PEX5L: variants seen among roughly 807,000 people sequenced by gnomAD.
The protein encoded by PEX5L is PEX5-related protein.
A neutral mutation model predicts 84.0 loss-of-function variants in PEX5L; 30 were observed. The observed-to-expected ratio is 0.36, with a 90% CI of 0.27 to 0.48. The LOEUF (loss-of-function observed/expected upper bound fraction) is 0.48. Among genes scored for constraint, PEX5L ranks in the 20% least tolerant of loss-of-function variants. The pLI, the probability that PEX5L is intolerant of heterozygous loss-of-function variation, is 0.99. For synonymous variants in PEX5L, 270 were observed against 283.1 expected, an observed-to-expected ratio of 0.95 and a Z score of 0.46; for missense variants, 533 against 754.6, an observed-to-expected ratio of 0.71 and a Z score of 3.44.
chr3:179,934,312 T>C (rs1419464103), intron 2 of PEX5L, among the ~76,000 whole-genome samples: 1 of 152,224 alleles, frequency 6.6e-6, no homozygotes, highest in Non-Finnish European at 1.5e-5. Context: ...AGATTATGTG[T>C]ACTGAACCAG....
chr3:180,021,092 C>T (rs1790382205), intron 1 of PEX5L, among the ~76,000 whole-genome samples: 1 of 151,996 alleles, frequency 6.6e-6, no homozygotes, highest in African/African-American at 2.4e-5. Context: ...CTAACCCAGC[C>T]CTGGAGGTTT....
At chr3:179,824,242 G>A (rs1729541440) in intron 8 of PEX5L, among the ~76,000 whole-genome samples, 3 of 152,170 alleles carry the variant, frequency 2.0e-5, no homozygotes, top group African/African-American at 7.2e-5. Flanking sequence ...AGATCCTGGG[G>A]TTGTGCTGTA....
At position 179,940,632 on chromosome 3, in the gene PEX5L, A is replaced by G. The variant is rs78019189; in HGVS notation, c.93+30962T>C. ...ATACTGGACATAGAATACTCTATAC[A>G]GCATTAATTTACCTCTAAAGGAACA... On this transcript the variant is annotated intron_variant, in intron 2 of 14. Transcript: ENST00000467460. Among the ~76,000 whole-genome samples the G allele has an allele frequency of 4.0e-3, 616 of 152,342 alleles. 6 individuals carry two copies. Among genetic ancestry groups the G allele is most frequent in the East Asian group, 0.017 (88 of 5,180 alleles).
At chr3:179,939,574 CA>C (rs1775500060) in intron 2 of PEX5L, among the ~76,000 whole-genome samples, 1 of 152,194 alleles carries the variant, frequency 6.6e-6, no homozygotes. Flanking sequence ...ACTACAGATA[CA>C]TAGACTTCTG....
chr3:179,879,701 A>G (rs1239464679), intron 5 of PEX5L, among the ~76,000 whole-genome samples: 2 of 152,158 alleles, frequency 1.3e-5, no homozygotes, highest in African/African-American at 2.4e-5. Flanking sequence ...TCTATAACTC[A>G]ATATTTGTGG....
At chr3:179,947,570 T>C (rs1378979818) in intron 2 of PEX5L, among the ~76,000 whole-genome samples, 1 of 152,074 alleles carries the variant, frequency 6.6e-6, no homozygotes, top group African/African-American at 2.4e-5. Context: ...TATTCTACTA[T>C]AGTACCTTAA....
At chr3:179,893,785 T>A (rs181032029) in intron 3 of PEX5L, among the ~76,000 whole-genome samples, 2 of 152,298 alleles carry the variant, frequency 1.3e-5, no homozygotes, top group Admixed American at 1.3e-4. Context: ...AAATATCTCA[T>A]ATTTGTAATG....
intron 8 of PEX5L, among the ~76,000 whole-genome samples, chr3:179,840,161 T>TGTG (rs1553850431): frequency 5.7e-4 from 70 of 123,758 alleles, no homozygotes; most frequent in African/African-American, 2.2e-3. Context: ...AAGTTGTTTT[T>TGTG]TGTGTGTGTG....
chr3:179,854,400 A>G (rs2108489580), intron 8 of PEX5L, among the ~76,000 whole-genome samples: 1 of 152,244 alleles, frequency 6.6e-6, no homozygotes, highest in Admixed American at 6.5e-5. Context: ...TATTAATATA[A>G]GTAAAAATGG....
chr3:180,012,748 T>TGAA (rs1442066587), intron 1 of PEX5L, among the ~76,000 whole-genome samples: 2 of 152,140 alleles, frequency 1.3e-5, no homozygotes, highest in African/African-American at 4.8e-5. Flanking sequence ...AGCATACTTT[T>TGAA]GAAGAATAAG....
In PEX5L at chr3:179,808,553, T is replaced by G. The variant is rs1173625882; in HGVS notation, c.1353-116A>C. 6 of 727,882 alleles carry G rather than the reference T, an allele frequency of 8.2e-6. No individual in the cohort carries two copies. In the East Asian group the frequency reaches 1.1e-4, roughly 14 times the overall value. The allele number at this position is 727,882 out of a possible 1,614,324, so 45.1% of individuals were successfully genotyped here. A position where few individuals can be genotyped will look rare whatever the true frequency, so the allele number is the denominator to read the frequency against. ...TCTCTTCGTTACAGACTGGAAAATT[T>G]TGCTTAAAATACCTTAACTCAATGA... On this transcript the variant is annotated intron_variant, in intron 12 of 14. Coordinates refer to ENST00000467460, the MANE Select transcript of PEX5L (RefSeq NM_016559.3).
intron 8 of PEX5L, among the ~76,000 whole-genome samples, chr3:179,822,076 T>C (rs1036286067): frequency 6.6e-6 from 1 of 152,240 alleles, no homozygotes; most frequent in Non-Finnish European, 1.5e-5. Context: ...ATTTTTTAAA[T>C]AGCTTTTCAA....
intron 1 of PEX5L, among the ~76,000 whole-genome samples, chr3:179,992,357 TACTTAACGTCACACA>T (rs1449474162): frequency 1.3e-5 from 2 of 152,236 alleles, no homozygotes; most frequent in Non-Finnish European, 2.9e-5. Context: ...TTGAATGATT[TACTTAACGTCACACA>T]ACTTATTAAT....
chr3:179,958,877 A>G (rs1463713992), intron 2 of PEX5L, among the ~76,000 whole-genome samples: 1 of 152,134 alleles, frequency 6.6e-6, no homozygotes, highest in Non-Finnish European at 1.5e-5. Context: ...TAGGAGCCAC[A>G]GTGTGTACAG....
intron 2 of PEX5L, among the ~76,000 whole-genome samples, chr3:179,942,520 C>A (rs1033129090): frequency 6.6e-6 from 1 of 152,214 alleles, no homozygotes; most frequent in Admixed American, 6.5e-5. Context: ...GGTAGGCACT[C>A]GGAGGCGCGG....
At position 179,795,653 on chromosome 3, in the gene PEX5L, TA is replaced by T. The variant is rs1716634488; in HGVS notation, c.*6174del. 6.6e-6 allele frequency: 1 copy of T among 152,156 alleles called. No individual in the cohort carries two copies. The highest frequency in any genetic ancestry group is 1.5e-5 in the Non-Finnish European group (1 of 68,022). 9.4% of individuals were successfully genotyped at this position (152,156 alleles called of 1,614,324 possible). A position where few individuals can be genotyped will look rare whatever the true frequency, so the allele number is the denominator to read the frequency against. On this transcript the variant is annotated 3_prime_UTR_variant, in exon 15 of 15. Transcript: ENST00000467460. ...GTAACGCAATGTAAACATTTAAACT[TA>T]AATTTTTTTCTTGTTATCTATTTCA...
At chr3:179,872,927 A>C (rs1560478567) in intron 7 of PEX5L, among the ~76,000 whole-genome samples, 2 of 152,252 alleles carry the variant, frequency 1.3e-5, no homozygotes, top group African/African-American at 4.8e-5. Context: ...CTACATTTTC[A>C]TGCTACATTT....
chr3:179,829,943 A>ATTTTTTTTTT (rs11352022), intron 8 of PEX5L, among the ~76,000 whole-genome samples: 329 of 83,636 alleles, frequency 3.9e-3, no homozygotes, highest in African/African-American at 6.4e-3. Context: ...GGCCTGGCTA[A>ATTTTTTTTTT]TTTTTTTTTT....
chr3:180,009,311 C>T (rs563449447), intron 1 of PEX5L, among the ~76,000 whole-genome samples: 29 of 152,266 alleles, frequency 1.9e-4, no homozygotes, highest in African/African-American at 6.3e-4. Context: ...TCTTGTTACA[C>T]GTCCTCATAA....
Sources: allele counts gnomAD v4.1 joint callset (sites outside exome capture counted in the v4.1 genomes callset), GRCh38; gene constraint gnomAD v4.1.1; transcripts MANE v1.5; gene names NCBI Gene and HGNC (gene_info 2026-07-23, HGNC 2026-07-21).